The following MACC1 variants were observed in gnomAD, a reference collection of about 807,000 sequenced individuals.
The protein encoded by MACC1 is metastasis-associated in colon cancer protein 1.
Under a neutral mutation model 70.7 loss-of-function variants are expected in MACC1, and 79 were observed. The observed-to-expected ratio is 1.12, with a 90% CI of 0.93 to 1.35. MACC1 has a LOEUF of 1.35. Among genes scored for constraint, MACC1 ranks in the 40% most tolerant of loss-of-function variants. The pLI is 0.00. For missense variants in MACC1, 1,106 were observed against 978.1 expected, an observed-to-expected ratio of 1.13 and a Z score of -1.74; for synonymous variants, 361 against 347.2, an observed-to-expected ratio of 1.04 and a Z score of -0.44.
At chr7:20,182,457 C>T (rs1239510322) in intron 1 of MACC1, among the ~76,000 whole-genome samples, 1 of 152,094 alleles carries the variant, frequency 6.6e-6, no homozygotes, top group East Asian at 1.9e-4. Context: ...ATGAATGCCT[C>T]CTGATTCCTA....
chr7:20,184,289 C>T (rs1782553237), intron 1 of MACC1, among the ~76,000 whole-genome samples: 1 of 152,132 alleles, frequency 6.6e-6, no homozygotes, highest in Non-Finnish European at 1.5e-5. Context: ...AGATTAACAA[C>T]ATCTAACTCA....
intron 1 of MACC1, among the ~76,000 whole-genome samples, chr7:20,182,148 A>C (rs1782518904): frequency 7.2e-6 from 1 of 138,344 alleles, no homozygotes; most frequent in Non-Finnish European, 1.5e-5. Context: ...CAATGAGAAC[A>C]CATGGACACA....
At chr7:20,212,502 T>C (rs1783013372) in intron 1 of MACC1, among the ~76,000 whole-genome samples, 1 of 152,074 alleles carries the variant, frequency 6.6e-6, no homozygotes, top group South Asian at 2.1e-4. Context: ...CCTGAGTACC[T>C]GAAGAATCTC....
At chr7:20,175,157 A>G (rs1782372185) in intron 1 of MACC1, among the ~76,000 whole-genome samples, 1 of 152,092 alleles carries the variant, frequency 6.6e-6, no homozygotes, top group African/African-American at 2.4e-5. Context: ...ATTAACTTAT[A>G]TTAGCTTCTG....
chr7:20,195,919 C>T (rs1032222168), intron 1 of MACC1, among the ~76,000 whole-genome samples: 1 of 152,180 alleles, frequency 6.6e-6, no homozygotes, highest in Non-Finnish European at 1.5e-5. Context: ...GTCTTATTGC[C>T]ATGAAGAGTC....
rs1781746093 is a variant in MACC1 at position 20,138,181 on chromosome 7, AAT to A, written c.*2763_*2764del. ...AAAAAAAAAAAAAAAAAAAAAAAAA[AAT>A]TTCCCCTGGAAGGATTTGTTACAAG... is the stretch of plus-strand genomic sequence containing the variant. On this transcript the variant is annotated 3_prime_UTR_variant, in exon 7 of 7. Coordinates refer to ENST00000400331, the MANE Select transcript of MACC1 (RefSeq NM_182762.4). 2.1e-5 allele frequency: 3 copies of A among 143,098 alleles called. No homozygotes were observed. The highest frequency in any genetic ancestry group is 6.9e-5 in the Admixed American group (1 of 14,440). The allele number at this position is 143,098 out of a possible 1,614,324, so 8.9% of individuals were successfully genotyped here.
At chr7:20,173,719 C>T (rs1383706024) in intron 1 of MACC1, among the ~76,000 whole-genome samples, 3 of 152,190 alleles carry the variant, frequency 2.0e-5, no homozygotes, top group African/African-American at 7.2e-5. Flanking sequence ...TAGCCACATA[C>T]CATCTTGGCC....
At position 20,138,991 on chromosome 7, in the gene MACC1, A is replaced by T. The variant is rs1001829032; in HGVS notation, c.*1955T>A. ...CCGGCCAAGATTATTCTTAAACGCCAATTTGAATTACCATTGCCAGCATAC... is the reference window on the plus strand; with the variant it reads ...CCGGCCAAGATTATTCTTAAACGCCTATTTGAATTACCATTGCCAGCATAC... On this transcript the variant is annotated 3_prime_UTR_variant, in exon 7 of 7. Coordinates refer to ENST00000400331, the MANE Select transcript of MACC1 (RefSeq NM_182762.4). 6.6e-6 allele frequency: 1 copy of T among 152,150 alleles called. No individual in the cohort carries two copies. Among genetic ancestry groups the T allele is most frequent in the Non-Finnish European group, 1.5e-5 (1 of 68,020 alleles). 9.4% of individuals were successfully genotyped at this position (152,150 alleles called of 1,614,324 possible). A position where few individuals can be genotyped will look rare whatever the true frequency, so the allele number is the denominator to read the frequency against.
chr7:20,150,466 G>A (rs554190883), intron 6 of MACC1: 59 of 152,238 alleles, frequency 3.9e-4, no homozygotes, highest in African/African-American at 1.3e-3. Flanking sequence ...ACTCTCCAGC[G>A]GCCAGTCAGA....
In MACC1 at chr7:20,160,210, C is replaced by T; in HGVS notation, c.151G>A (p.Asp51Asn). Residue 51 changes from aspartate to asparagine, a missense_variant, in exon 5 of 7, where the codon GAT (aspartate) becomes AAT (asparagine). By Grantham distance (23) the Asp-to-Asn change is conservative (BLOSUM62 1). Coordinates refer to ENST00000400331, the MANE Select transcript of MACC1 (RefSeq NM_182762.4). ...QDPDLLHNWPDAFTLRGNNAS... is the reference protein window; with the variant it reads ...QDPDLLHNWPNAFTLRGNNAS... Reference sequence around the variant, plus strand: ...TTATTACCACGAAGGGTGAAAGCATCCGGCCAATTGTGAAGCAAGTCTGGG... The same window carrying T: ...TTATTACCACGAAGGGTGAAAGCATTCGGCCAATTGTGAAGCAAGTCTGGG... 1.9e-6 allele frequency: 3 copies of T among 1,589,952 alleles called. No homozygotes were observed. Among genetic ancestry groups the T allele is most frequent in the Non-Finnish European group, 2.6e-6 (3 of 1,172,144 alleles).
chr7:20,149,833 A>AT (rs1740326590), intron 6 of MACC1, among the ~76,000 whole-genome samples: 1 of 152,144 alleles, frequency 6.6e-6, no homozygotes, highest in South Asian at 2.1e-4. Context: ...CCACTTTGAT[A>AT]TTTTTTAAGT....
intron 1 of MACC1, among the ~76,000 whole-genome samples, chr7:20,200,363 A>T (rs971052492): frequency 1.3e-5 from 2 of 152,226 alleles, no homozygotes; most frequent in Non-Finnish European, 2.9e-5. Context: ...TATACTTCAA[A>T]ATACTGATAA....
chr7:20,171,546 G>A (rs956640156), intron 1 of MACC1, among the ~76,000 whole-genome samples: 88 of 150,660 alleles, frequency 5.8e-4, no homozygotes, highest in African/African-American at 1.7e-3. Flanking sequence ...GAGCCACCAC[G>A]CCCGGCTGAT....
At chr7:20,200,954 G>T (rs954109916) in intron 1 of MACC1, among the ~76,000 whole-genome samples, 2 of 152,186 alleles carry the variant, frequency 1.3e-5, no homozygotes, top group African/African-American at 4.8e-5. Context: ...TACCAAGGAA[G>T]TGTTCCTCTC....
At chr7:20,169,408 T>C (rs1276953792) in intron 2 of MACC1, among the ~76,000 whole-genome samples, 1 of 152,186 alleles carries the variant, frequency 6.6e-6, no homozygotes, top group Non-Finnish European at 1.5e-5. Flanking sequence ...TTTCAAAAGG[T>C]ATAAAGATCA....
At chr7:20,203,576 T>C (rs1782863502) in intron 1 of MACC1, among the ~76,000 whole-genome samples, 2 of 152,190 alleles carry the variant, frequency 1.3e-5, no homozygotes, top group South Asian at 4.1e-4. Flanking sequence ...TTTCCTGGAA[T>C]GTGCAATGAG....
intron 1 of MACC1, among the ~76,000 whole-genome samples, chr7:20,202,849 A>T (rs1397029371): frequency 6.6e-6 from 1 of 152,222 alleles, no homozygotes. Flanking sequence ...GTACTGATTC[A>T]GTTTCAGTTA....
intron 6 of MACC1, among the ~76,000 whole-genome samples, chr7:20,152,514 G>A (rs1290138694): frequency 6.6e-6 from 1 of 152,130 alleles, no homozygotes; most frequent in Non-Finnish European, 1.5e-5. Flanking sequence ...ATGACCTCAG[G>A]CCAATATACT....
chr7:20,196,337 C>A (rs914672584), intron 1 of MACC1, among the ~76,000 whole-genome samples: 7 of 152,020 alleles, frequency 4.6e-5, no homozygotes, highest in Admixed American at 3.3e-4. Context: ...CCCGCCACCA[C>A]GCCCGGCTAA....
Sources: gnomAD v4.1 joint callset for allele counts (sites outside exome capture counted in the v4.1 genomes callset) on GRCh38, gnomAD v4.1.1 for gene constraint, MANE v1.5 for transcripts, NCBI Gene and HGNC (gene_info 2026-07-23, HGNC 2026-07-21) for gene names.